Variants in NRXN3 observed in about 807,000 individuals in gnomAD.
NRXN3 encodes the protein neurexin III.
In NRXN3, 32 loss-of-function variants were observed where a neutral mutation model predicts 137.6. The observed-to-expected ratio is 0.23, with a 90% CI of 0.18 to 0.31. The LOEUF (loss-of-function observed/expected upper bound fraction) is 0.31, where lower values mean the gene tolerates loss of function less well. Ranked by LOEUF, NRXN3 falls within the 10% of genes least tolerant of loss-of-function variation. The pLI, the probability that NRXN3 is intolerant of heterozygous loss-of-function variation, is 1.00. For synonymous variants in NRXN3, 798 were observed against 784.5 expected, an observed-to-expected ratio of 1.02 and a Z score of -0.29; for missense variants, 1,574 against 2,062.5, an observed-to-expected ratio of 0.76 and a Z score of 4.59.
At chr14:79,852,767 G>T (rs1447584659) in intron 20 of NRXN3, among the ~76,000 whole-genome samples, 1 of 151,892 alleles carries the variant, frequency 6.6e-6, no homozygotes, top group Non-Finnish European at 1.5e-5. Flanking sequence ...CTGTGCGTCT[G>T]GTTGTTCATC....
chr14:78,576,513 TC>T (rs752136766), intron 4 of NRXN3, among the ~76,000 whole-genome samples: 6 of 152,196 alleles, frequency 3.9e-5, no homozygotes, highest in Non-Finnish European at 8.8e-5. Context: ...TGTACTGATC[TC>T]GGATAGCTGG....
intron 15 of NRXN3, among the ~76,000 whole-genome samples, chr14:79,239,251 G>C (rs779302356): frequency 1.4e-4 from 22 of 152,062 alleles, no homozygotes; most frequent in Non-Finnish European, 2.6e-4. Context: ...TTGTTGTACT[G>C]TACTCACTTA....
intron 16 of NRXN3, among the ~76,000 whole-genome samples, chr14:79,649,984 C>A (rs1174133520): frequency 6.6e-6 from 1 of 152,164 alleles, no homozygotes; most frequent in Non-Finnish European, 1.5e-5. Context: ...AGATGGCCAC[C>A]TTCTTGCTGT....
At chr14:79,317,513 CT>C (rs1416956228) in intron 15 of NRXN3, among the ~76,000 whole-genome samples, 1 of 152,130 alleles carries the variant, frequency 6.6e-6, no homozygotes, top group East Asian at 1.9e-4. Context: ...CTTATCTTAG[CT>C]GATTACATCT....
chr14:78,645,442 AT>A, intron 5 of NRXN3, 21 bp downstream of exon 5: 1 of 1,548,614 alleles, frequency 6.5e-7, no homozygotes, highest in Non-Finnish European at 8.7e-7. Flanking sequence ...AGGGGAGAGA[AT>A]TCCTGGAAGG....
intron 15 of NRXN3, among the ~76,000 whole-genome samples, chr14:78,996,713 C>A (rs1228934527): frequency 6.6e-6 from 1 of 152,054 alleles, no homozygotes; most frequent in Non-Finnish European, 1.5e-5. Context: ...AGGCTGAGTC[C>A]TGAGAAGTCA....
At chr14:78,937,421 G>T (rs1046845042) in intron 10 of NRXN3, among the ~76,000 whole-genome samples, 1 of 152,088 alleles carries the variant, frequency 6.6e-6, no homozygotes, top group Non-Finnish European at 1.5e-5. Context: ...AACAGCAGGG[G>T]CTCACCTGGC....
intron 4 of NRXN3, among the ~76,000 whole-genome samples, chr14:78,500,376 GT>G (rs2095858514): frequency 6.6e-6 from 1 of 152,124 alleles, no homozygotes; most frequent in Non-Finnish European, 1.5e-5. Context: ...AAAGGGAACA[GT>G]TTTAAGTTTC....
intron 8 of NRXN3, among the ~76,000 whole-genome samples, chr14:78,759,052 A>G (rs1238769405): frequency 6.6e-6 from 1 of 152,214 alleles, no homozygotes; most frequent in Non-Finnish European, 1.5e-5. Context: ...GTAGGAAAAA[A>G]AGATGTTCTC....
chr14:79,515,157 A>G (rs2096970497), intron 16 of NRXN3, among the ~76,000 whole-genome samples: 1 of 150,580 alleles, frequency 6.6e-6, no homozygotes, highest in Admixed American at 6.6e-5. Context: ...GGCTAAGTTT[A>G]GCATGCAGGA....
chr14:79,206,785 A>G (rs1002180662), intron 15 of NRXN3, among the ~76,000 whole-genome samples: 5 of 152,074 alleles, frequency 3.3e-5, no homozygotes, highest in African/African-American at 4.8e-5. Context: ...AATTAATCTT[A>G]ATAGGCACAC....
intron 4 of NRXN3, among the ~76,000 whole-genome samples, chr14:78,386,061 C>A (rs143001128): frequency 6.6e-6 from 1 of 151,686 alleles, no homozygotes; most frequent in Admixed American, 6.6e-5. Flanking sequence ...AACAAAAGAG[C>A]AAAAAAAGTC....
At chr14:78,480,246 C>G (rs2095450197) in intron 4 of NRXN3, among the ~76,000 whole-genome samples, 1 of 152,216 alleles carries the variant, frequency 6.6e-6, no homozygotes, top group African/African-American at 2.4e-5. Flanking sequence ...GGCTGCAATT[C>G]TCATTGCATC....
intron 11 of NRXN3, among the ~76,000 whole-genome samples, chr14:78,962,963 C>T (rs1235788295): frequency 6.6e-6 from 1 of 152,124 alleles, no homozygotes; most frequent in African/African-American, 2.4e-5. Flanking sequence ...CCACCCACCT[C>T]GACCTCCCAA....
chr14:78,399,087 G>A (rs2153652289), intron 4 of NRXN3, among the ~76,000 whole-genome samples: 2 of 152,214 alleles, frequency 1.3e-5, no homozygotes, highest in South Asian at 4.1e-4. Context: ...GGGGCTTTTT[G>A]TCACATTACC....
chr14:78,208,803 C>T lies in NRXN3; in HGVS notation c.-703-33588C>T, dbSNP rs551373458. 4.6e-5 allele frequency among the ~76,000 whole-genome samples: 7 copies of T among 152,332 alleles called. No homozygotes were observed. In the South Asian group the frequency reaches 1.4e-3, roughly 32 times the overall value. ...TGAGTGCCGGGTCCAACTCTCAGCACATGGTAAGCTCACAGCAAGTACTGT... is the reference window on the plus strand; with the variant it reads ...TGAGTGCCGGGTCCAACTCTCAGCATATGGTAAGCTCACAGCAAGTACTGT... On this transcript the variant is annotated intron_variant, in intron 1 of 20. Transcript: ENST00000335750.
intron 15 of NRXN3, among the ~76,000 whole-genome samples, chr14:79,394,315 T>G (rs913839271): frequency 3.9e-5 from 6 of 152,232 alleles, no homozygotes; most frequent in African/African-American, 1.4e-4. Context: ...TAGAGCTTGT[T>G]ACCACCACAG....
intron 4 of NRXN3, among the ~76,000 whole-genome samples, chr14:78,604,039 T>C (rs2097224187): frequency 1.3e-5 from 2 of 152,078 alleles, no homozygotes; most frequent in Non-Finnish European, 1.5e-5. Context: ...CGACGGAAGA[T>C]GAAGGAAGAG....
At chr14:79,650,263 G>A (rs894689117) in intron 16 of NRXN3, among the ~76,000 whole-genome samples, 3 of 151,996 alleles carry the variant, frequency 2.0e-5, no homozygotes, top group Non-Finnish European at 4.4e-5. Flanking sequence ...CTCTTTCTCT[G>A]GTTACTTGGG....
Sources: gnomAD v4.1 joint callset for allele counts (sites outside exome capture counted in the v4.1 genomes callset) on GRCh38, gnomAD v4.1.1 for gene constraint, MANE v1.5 for transcripts, NCBI Gene and HGNC (gene_info 2026-07-23, HGNC 2026-07-21) for gene names.